The following COG7 variants were observed in gnomAD, a reference collection of about 807,000 sequenced individuals.
The protein encoded by COG7 is component of oligomeric golgi complex 7.
COG7 carries 49 observed loss-of-function variants against 91.5 expected under a neutral mutation model. That is an observed-to-expected ratio of 0.54 (90% CI 0.43 to 0.68). The LOEUF is 0.68. Among genes scored for constraint, COG7 ranks in the 30% least tolerant of loss-of-function variants. The probability of loss-of-function intolerance (pLI) is 0.00; values close to 1 mark genes in which losing one functional copy is unlikely to be tolerated. For missense variants in COG7, 895 were observed against 961.3 expected, an observed-to-expected ratio of 0.93 and a Z score of 0.91; for synonymous variants, 365 against 388.7, an observed-to-expected ratio of 0.94 and a Z score of 0.72.
At chr16:23,402,201 C>T (rs183485814) in intron 13 of COG7, among the ~76,000 whole-genome samples, 1 of 152,142 alleles carries the variant, frequency 6.6e-6, no homozygotes, top group East Asian at 1.9e-4. Context: ...AGTATAATTC[C>T]ATTTCTTCCT....
At chr16:23,397,257 T>G (rs575529217) in intron 14 of COG7, among the ~76,000 whole-genome samples, 1 of 152,230 alleles carries the variant, frequency 6.6e-6, no homozygotes, top group South Asian at 2.1e-4. Context: ...TTTGGCAGAG[T>G]CACAACTTAC....
chr16:23,448,804 C>T (rs1299341704), intron 1 of COG7, among the ~76,000 whole-genome samples: 2 of 152,098 alleles, frequency 1.3e-5, no homozygotes, highest in African/African-American at 2.4e-5. Flanking sequence ...AACATGATGC[C>T]GAGCAAGTTA....
intron 14 of COG7, among the ~76,000 whole-genome samples, chr16:23,397,303 C>A (rs908233040): frequency 6.6e-6 from 1 of 152,216 alleles, no homozygotes; most frequent in Non-Finnish European, 1.5e-5. Context: ...GAGCGTAAGG[C>A]AGAAATCACC....
chr16:23,417,561 G>GT (rs1374799934), intron 8 of COG7, among the ~76,000 whole-genome samples: 2 of 152,182 alleles, frequency 1.3e-5, no homozygotes, highest in African/African-American at 4.8e-5. Flanking sequence ...CAGCCCAGGA[G>GT]TTTGAGACCA....
intron 12 of COG7, among the ~76,000 whole-genome samples, chr16:23,405,434 C>G (rs551655636): frequency 6.6e-6 from 1 of 152,124 alleles, no homozygotes; most frequent in Non-Finnish European, 1.5e-5. Context: ...CCAGCTCTGT[C>G]TGACCGGCTG....
intron 4 of COG7, among the ~76,000 whole-genome samples, chr16:23,436,158 G>T (rs1162726808): frequency 6.6e-6 from 1 of 152,160 alleles, no homozygotes; most frequent in African/African-American, 2.4e-5. Flanking sequence ...GGAGGACAAG[G>T]CTGCAGTGAA....
intron 7 of COG7, among the ~76,000 whole-genome samples, chr16:23,423,556 C>T (rs1231724988): frequency 6.6e-6 from 1 of 152,212 alleles, no homozygotes; most frequent in Admixed American, 6.5e-5. Context: ...CCCTTGGAAG[C>T]TTCCCCATCC....
At chr16:23,398,574 C>A (rs990275901) in intron 13 of COG7, among the ~76,000 whole-genome samples, 1 of 152,176 alleles carries the variant, frequency 6.6e-6, no homozygotes, top group Non-Finnish European at 1.5e-5. Flanking sequence ...ACCCTGAGGT[C>A]CCCCACAGAG....
intron 10 of COG7, 99 bp downstream of exon 10, chr16:23,413,349 G>T: frequency 1.3e-6 from 1 of 788,334 alleles, no homozygotes; most frequent in Non-Finnish European, 2.3e-6. Context: ...GAAAAAAAAC[G>T]AACCCCTTCC....
chr16:23,424,114 A>G (rs1180370781), intron 7 of COG7, among the ~76,000 whole-genome samples: 1 of 152,234 alleles, frequency 6.6e-6, no homozygotes, highest in Admixed American at 6.5e-5. Context: ...CAGCCTCAAC[A>G]TGGAGAAACC....
In COG7 at chr16:23,417,136, C is replaced by T. The variant is rs2142075337; in HGVS notation, c.1138-15G>A. ...TCCCCATGCTCCTGGTCAGCAAATACAGACAAAGCTGCATTAGGCTTTAGA... is the reference window on the plus strand; with the variant it reads ...TCCCCATGCTCCTGGTCAGCAAATATAGACAAAGCTGCATTAGGCTTTAGA... On this transcript the variant is annotated splice_polypyrimidine_tract_variant and intron_variant, in intron 8 of 16. Coordinates refer to ENST00000307149, the MANE Select transcript of COG7 (RefSeq NM_153603.4). The T allele has an allele frequency of 1.9e-6, 3 of 1,614,094 alleles. No individual in the cohort carries two copies. The highest frequency in any genetic ancestry group is 2.5e-6 in the Non-Finnish European group (3 of 1,179,924).
At position 23,417,013 on chromosome 16, in the gene COG7, G is replaced by A. The variant is rs375206757; in HGVS notation, c.1246C>T (p.Leu416=). 1.2e-6 allele frequency: 2 copies of A among 1,614,234 alleles called. No individual in the cohort carries two copies. The change falls in exon 9 of 17, where the codon CTG becomes TTG. Residue 416 remains leucine, a synonymous_variant. Transcript: ENST00000307149. ...VDRCVRFTNG[L]GTCGLLSALK... ...GCTGACAACAGGCCGCAGGTCCCCAGGCCATTGGTGAATCTGACGCATCTG... is the reference window on the plus strand; with the variant it reads ...GCTGACAACAGGCCGCAGGTCCCCAAGCCATTGGTGAATCTGACGCATCTG...
At chr16:23,397,876 C>G (rs557700084) in intron 14 of COG7, among the ~76,000 whole-genome samples, 170 bp downstream of exon 14, 1 of 152,292 alleles carries the variant, frequency 6.6e-6, no homozygotes, top group Non-Finnish European at 1.5e-5. Flanking sequence ...CCATGTGGCT[C>G]TGCTGATCTT....
At chr16:23,434,161 A>G (rs1963977583) in intron 5 of COG7, among the ~76,000 whole-genome samples, 2 of 152,086 alleles carry the variant, frequency 1.3e-5, no homozygotes, top group Admixed American at 6.6e-5. Context: ...TGTAGTCCCA[A>G]CTCCTCACAA....
intron 7 of COG7, among the ~76,000 whole-genome samples, chr16:23,424,496 G>A (rs1438813050): frequency 5.9e-5 from 9 of 152,196 alleles, no homozygotes; most frequent in Admixed American, 3.3e-4. Flanking sequence ...CCCCACAGAG[G>A]TGTCCATCAC....
At position 23,417,000 on chromosome 16, in the gene COG7, C is replaced by T; in HGVS notation, c.1259G>A (p.Gly420Asp). The change falls in exon 9 of 17, where the codon GGC becomes GAC. Residue 420 changes from glycine to aspartate, a missense_variant. Gly to Asp is a moderately conservative substitution (Grantham distance 94). Coordinates refer to ENST00000307149, the MANE Select transcript of COG7 (RefSeq NM_153603.4). ...VRFTNGLGTC[G>D]LLSALKSLFA... ...GAGGGATTTCAGGGCTGACAACAGG[C>T]CGCAGGTCCCCAGGCCATTGGTGAA... 1 of 1,614,230 alleles carries T rather than the reference C, an allele frequency of 6.2e-7. No homozygotes were observed. The highest frequency in any genetic ancestry group is 8.5e-7 in the Non-Finnish European group (1 of 1,180,040).
chr16:23,393,541 A>G (rs1963235192), intron 14 of COG7, 194 bp from the exon 15 acceptor site: 7 of 592,736 alleles, frequency 1.2e-5, no homozygotes, highest in Non-Finnish European at 2.1e-5. Context: ...TAGCTTGCAT[A>G]TAGATTATAG....
Position 23,413,558 on chromosome 16 carries a change from C to T in COG7, c.1299G>A (p.Val433=). The T allele has an allele frequency of 6.4e-7, 1 of 1,574,684 alleles. No homozygotes were observed. Among genetic ancestry groups the T allele is most frequent in the Non-Finnish European group, 8.7e-7 (1 of 1,144,268 alleles). The change falls in exon 10 of 17, where the codon GTG becomes GTA. Residue 433 remains valine (V), a synonymous_variant. Coordinates refer to ENST00000307149, the MANE Select transcript of COG7 (RefSeq NM_153603.4). ...ACTGGAGAGTGCTGGTGAAATCAGA[C>T]ACATACCTGCCGGGAAAGGGAAGAA... is the stretch of plus-strand genomic sequence containing the variant. The part of the protein sequence containing the change: ...SALKSLFAKY[V]SDFTSTLQSI...
chr16:23,420,230 T>C (rs1026576783), intron 7 of COG7, among the ~76,000 whole-genome samples: 4 of 152,232 alleles, frequency 2.6e-5, no homozygotes, highest in Non-Finnish European at 5.9e-5. Flanking sequence ...AGAATGTAAA[T>C]GTGCATATTC....
Sources: gnomAD v4.1 joint callset for allele counts (sites outside exome capture counted in the v4.1 genomes callset) on GRCh38, gnomAD v4.1.1 for gene constraint, MANE v1.5 for transcripts, NCBI Gene and HGNC (gene_info 2026-07-23, HGNC 2026-07-21) for gene names.